The following ADAMTSL3 variants were observed in gnomAD, a reference collection of about 807,000 sequenced individuals.
ADAMTSL3 encodes the protein ADAMTS-like protein 3.
A neutral mutation model predicts 201.7 loss-of-function variants in ADAMTSL3; 128 were observed. The observed-to-expected ratio is 0.63, with a 90% CI of 0.55 to 0.73. The LOEUF (loss-of-function observed/expected upper bound fraction) is 0.73. ADAMTSL3 is among the 30% of genes least tolerant of loss of function. The pLI is 0.00. For synonymous variants in ADAMTSL3, 738 were observed against 748.4 expected (o/e 0.99, Z 0.23); for missense variants, 1,990 against 2,119.6 (o/e 0.94, Z 1.20).
rs2065495380 is a variant in ADAMTSL3, at chr15:83,891,345, A to G, written c.1228A>G (p.Ile410Val). 4 of 1,612,260 alleles carry G rather than the reference A, an allele frequency of 2.5e-6. No homozygotes were observed. Among genetic ancestry groups the G allele is most frequent in the Non-Finnish European group, 3.4e-6 (4 of 1,178,572 alleles). ...CATTTGTAGTGATGGATTTAAAGAG[A>G]TAATGCCCTATGACCACTTCCAACC... ...PCPSSDGFKE[I>V]MPYDHFQPLP... The change falls in exon 12 of 30, where the codon ATA becomes GTA. Residue 410 changes from isoleucine to valine, a missense_variant. Ile to Val is a conservative substitution (Grantham distance 29). Transcript: ENST00000286744.
At chr15:83,704,601 T>C in intron 3 of ADAMTSL3, 93 bp downstream of exon 3, 5 of 1,525,628 alleles carry the variant, frequency 3.3e-6, no homozygotes, top group Non-Finnish European at 3.6e-6. Flanking sequence ...AATTATATTT[T>C]CCTCTTTGCA....
intron 6 of ADAMTSL3, among the ~76,000 whole-genome samples, chr15:83,827,057 C>G (rs968915156): frequency 2.6e-5 from 4 of 152,270 alleles, no homozygotes; most frequent in Admixed American, 2.0e-4. Flanking sequence ...AATGGTATTT[C>G]TAGTTCTAGA....
intron 3 of ADAMTSL3, among the ~76,000 whole-genome samples, chr15:83,711,670 G>A (rs914188067): frequency 1.3e-5 from 2 of 152,334 alleles, no homozygotes; most frequent in African/African-American, 2.4e-5. Flanking sequence ...CAGTTCATGC[G>A]TGTAGCAAAT....
chr15:83,766,310 C>T (rs2062889003), intron 3 of ADAMTSL3, among the ~76,000 whole-genome samples: 2 of 152,182 alleles, frequency 1.3e-5, no homozygotes, highest in African/African-American at 2.4e-5. Flanking sequence ...GGGCACTGAG[C>T]ACAGAGCCTT....
chr15:84,001,039 T>G (rs2067783028), intron 23 of ADAMTSL3, among the ~76,000 whole-genome samples: 1 of 152,238 alleles, frequency 6.6e-6, no homozygotes, highest in Non-Finnish European at 1.5e-5. Flanking sequence ...AGAAAGAAGC[T>G]GCAGAAAGCT....
At chr15:83,789,433 TA>T (rs2063311674) in intron 4 of ADAMTSL3, among the ~76,000 whole-genome samples, 1 of 150,118 alleles carries the variant, frequency 6.7e-6, no homozygotes, top group East Asian at 2.1e-4. Context: ...TGTTTTCTTT[TA>T]AATTTTTTTT....
chr15:83,855,816 AC>A (rs1177337373), intron 7 of ADAMTSL3, among the ~76,000 whole-genome samples: 3 of 152,088 alleles, frequency 2.0e-5, no homozygotes, highest in African/African-American at 7.2e-5. Flanking sequence ...AGTCTTTATC[AC>A]TTTTGCTTGT....
intron 8 of ADAMTSL3, among the ~76,000 whole-genome samples, chr15:83,859,271 C>A (rs1213085256): frequency 6.6e-6 from 1 of 152,170 alleles, no homozygotes; most frequent in Non-Finnish European, 1.5e-5. Context: ...TTCTGATTTG[C>A]AATTGGTTAA....
chr15:83,899,815 G>A (rs2141915885), intron 15 of ADAMTSL3, 84 bp downstream of exon 15: 1 of 1,479,306 alleles, frequency 6.8e-7, no homozygotes. Flanking sequence ...TTGGAGTACA[G>A]TGATACATTT....
intron 20 of ADAMTSL3, among the ~76,000 whole-genome samples, chr15:83,977,895 C>T (rs923226685): frequency 3.9e-5 from 6 of 152,250 alleles, no homozygotes; most frequent in Non-Finnish European, 7.3e-5. Context: ...CCCTGGTGGC[C>T]TCCTCTCAGC....
At chr15:83,741,127 A>G (rs1009373979) in intron 3 of ADAMTSL3, among the ~76,000 whole-genome samples, 1 of 151,892 alleles carries the variant, frequency 6.6e-6, no homozygotes, top group Non-Finnish European at 1.5e-5. Context: ...GATAGCACAG[A>G]AAAATAAAAT....
rs554266334 is a variant in ADAMTSL3 at position 84,020,938 on chromosome 15, A to C, written c.4274-472A>C. 5.3e-5 allele frequency among the ~76,000 whole-genome samples: 8 copies of C among 152,370 alleles called. No individual in the cohort carries two copies. In the East Asian group the frequency reaches 9.6e-4, roughly 18 times the overall value. Reference sequence around the variant, plus strand: ...AAAAATAAGAACAGAACTCAAATGCATCTTTAACCTTACTGCTTAATCCCT... The same window carrying C: ...AAAAATAAGAACAGAACTCAAATGCCTCTTTAACCTTACTGCTTAATCCCT... On this transcript the variant is annotated intron_variant, in intron 25 of 29. Coordinates refer to ENST00000286744, the MANE Select transcript of ADAMTSL3 (RefSeq NM_207517.3).
At chr15:83,798,174 A>G (rs1014482438) in intron 4 of ADAMTSL3, among the ~76,000 whole-genome samples, 1 of 152,056 alleles carries the variant, frequency 6.6e-6, no homozygotes, top group Non-Finnish European at 1.5e-5. Flanking sequence ...CTGATGTAGT[A>G]TTTGCTTAAC....
rs1420492954 is a variant in ADAMTSL3 at position 84,025,230 on chromosome 15, G to C, written c.4458-8G>C. 1 of 1,584,504 alleles carries C rather than the reference G, an allele frequency of 6.3e-7. No homozygotes were observed. The highest frequency in any genetic ancestry group is 1.8e-5 in the Admixed American group (1 of 55,228). The stretch of plus-strand genomic sequence containing the variant: ...TCCTTACTAAAGTCCTGTAGTTTTT[G>C]TTCCTAGGTGGTTCACAAGTGTGTG... On this transcript the variant is annotated splice_region_variant and splice_polypyrimidine_tract_variant and intron_variant, in intron 26 of 29. Coordinates refer to ENST00000286744, the MANE Select transcript of ADAMTSL3 (RefSeq NM_207517.3).
chr15:84,004,201 C>T lies in ADAMTSL3; in HGVS notation c.3974-10341C>T, dbSNP rs551598148. 2.0e-5 allele frequency among the ~76,000 whole-genome samples: 3 copies of T among 152,290 alleles called. No individual in the cohort carries two copies. In the South Asian group the frequency reaches 6.2e-4, roughly 32 times the overall value. ...TCATTTTGATGACTGACACATACTA[C>T]AGTCAGGTCATTTTATTATTTTGGT... On this transcript the variant is annotated intron_variant, in intron 23 of 29. Coordinates refer to ENST00000286744, the MANE Select transcript of ADAMTSL3 (RefSeq NM_207517.3).
intron 5 of ADAMTSL3, among the ~76,000 whole-genome samples, chr15:83,808,281 C>T (rs975627901): frequency 2.6e-5 from 4 of 151,968 alleles, no homozygotes; most frequent in Non-Finnish European, 5.9e-5. Context: ...AACTCAATAG[C>T]AAAGAAACCC....
At chr15:83,803,817 T>G (rs779693977) in intron 4 of ADAMTSL3, among the ~76,000 whole-genome samples, 3 of 152,174 alleles carry the variant, frequency 2.0e-5, no homozygotes, top group Non-Finnish European at 2.9e-5. Context: ...CCAACATGAC[T>G]TGGTAGAATC....
At chr15:83,959,516 C>T (rs902076075) in intron 19 of ADAMTSL3, among the ~76,000 whole-genome samples, 1 of 152,154 alleles carries the variant, frequency 6.6e-6, no homozygotes, top group African/African-American at 2.4e-5. Context: ...CTAGACTTCT[C>T]AACAATACCA....
At chr15:83,745,336 T>C (rs979125907) in intron 3 of ADAMTSL3, among the ~76,000 whole-genome samples, 5 of 152,210 alleles carry the variant, frequency 3.3e-5, no homozygotes, top group Admixed American at 6.5e-5. Context: ...GTGTGGATGC[T>C]AAAGGCTGTC....
Sources: gnomAD v4.1 joint callset for allele counts (sites outside exome capture counted in the v4.1 genomes callset) on GRCh38, gnomAD v4.1.1 for gene constraint, MANE v1.5 for transcripts, NCBI Gene and HGNC (gene_info 2026-07-23, HGNC 2026-07-21) for gene names.